FSTL5: variants seen among roughly 807,000 people sequenced by gnomAD.
FSTL5 encodes the protein follistatin-related protein 5.
Under a neutral mutation model 89.1 loss-of-function variants are expected in FSTL5, and 62 were observed. The observed-to-expected ratio is 0.70, with a 90% CI of 0.57 to 0.86. The LOEUF (loss-of-function observed/expected upper bound fraction) is 0.86, where lower values mean the gene tolerates loss of function less well. Ranked by LOEUF, FSTL5 falls within the 40% of genes least tolerant of loss-of-function variation. The pLI is 0.00. For missense variants in FSTL5, 1,057 were observed against 1,001.6 expected, an observed-to-expected ratio of 1.06 and a Z score of -0.75; for synonymous variants, 383 against 346.2, an observed-to-expected ratio of 1.11 and a Z score of -1.18.
At chr4:162,158,479 G>A (rs1404662001) in intron 1 of FSTL5, among the ~76,000 whole-genome samples, 4 of 152,012 alleles carry the variant, frequency 2.6e-5, no homozygotes, top group Non-Finnish European at 4.4e-5. Context: ...TAGTCTTGGG[G>A]AAATAATAAG....
chr4:161,992,055 A>C (rs1479247610), intron 3 of FSTL5, among the ~76,000 whole-genome samples: 1 of 152,192 alleles, frequency 6.6e-6, no homozygotes, highest in Non-Finnish European at 1.5e-5. Context: ...GGCAGGAAAA[A>C]AGTGAAGGAA....
At chr4:161,791,816 T>C (rs1343012073) in intron 4 of FSTL5, among the ~76,000 whole-genome samples, 2 of 152,334 alleles carry the variant, frequency 1.3e-5, no homozygotes, top group East Asian at 3.9e-4. Flanking sequence ...TTGCTTTCAT[T>C]ATTATCTTGA....
At chr4:161,555,826 T>C (rs1732367543) in intron 8 of FSTL5, among the ~76,000 whole-genome samples, 1 of 151,626 alleles carries the variant, frequency 6.6e-6, no homozygotes, top group Non-Finnish European at 1.5e-5. Flanking sequence ...GTTTTTCTGC[T>C]GGCTACACAG....
intron 15 of FSTL5, chr4:161,388,053 C>G (rs1458771693): frequency 6.6e-6 from 1 of 152,026 alleles, no homozygotes; most frequent in African/African-American, 2.4e-5. Context: ...TGAAACAGGG[C>G]TAGTGAATAA....
chr4:162,059,700 T>C (rs932416432), intron 2 of FSTL5, among the ~76,000 whole-genome samples: 1 of 152,106 alleles, frequency 6.6e-6, no homozygotes, highest in South Asian at 2.1e-4. Flanking sequence ...AGTCTATAAA[T>C]AGCATAATCT....
At chr4:162,039,951 G>A (rs1737886317) in intron 2 of FSTL5, among the ~76,000 whole-genome samples, 1 of 151,954 alleles carries the variant, frequency 6.6e-6, no homozygotes, top group South Asian at 2.1e-4. Flanking sequence ...TTGTGAGTAG[G>A]TGATTTTAAA....
intron 2 of FSTL5, among the ~76,000 whole-genome samples, chr4:162,064,027 T>G (rs147892611): frequency 1.6e-3 from 245 of 152,106 alleles, no homozygotes; most frequent in African/African-American, 5.7e-3. Context: ...GGCCATAAGT[T>G]GCCTTACTTA....
chr4:162,075,686 T>C (rs896119244), intron 2 of FSTL5, among the ~76,000 whole-genome samples: 1 of 151,900 alleles, frequency 6.6e-6, no homozygotes, highest in Non-Finnish European at 1.5e-5. Flanking sequence ...CTATTACTAA[T>C]AGTAGAGCAG....
At chr4:162,051,399 A>G (rs1738374641) in intron 2 of FSTL5, among the ~76,000 whole-genome samples, 1 of 151,566 alleles carries the variant, frequency 6.6e-6, no homozygotes, top group South Asian at 2.1e-4. Context: ...CACAAAAAAC[A>G]AAAACTTCAA....
intron 13 of FSTL5, among the ~76,000 whole-genome samples, chr4:161,471,943 A>AT (rs987572360): frequency 1.3e-4 from 20 of 148,716 alleles, no homozygotes; most frequent in African/African-American, 4.7e-4. Flanking sequence ...TCTTTCTCTT[A>AT]TCCCATCTAG....
intron 15 of FSTL5, among the ~76,000 whole-genome samples, chr4:161,411,376 GA>G (rs573693443): frequency 8.7e-4 from 123 of 141,616 alleles, no homozygotes; most frequent in African/African-American, 1.2e-3. Flanking sequence ...GGCAGAGACG[GA>G]AAAAAAAAAA....
At chr4:161,685,256 T>G (rs1737673765) in intron 6 of FSTL5, among the ~76,000 whole-genome samples, 1 of 152,178 alleles carries the variant, frequency 6.6e-6, no homozygotes, top group Non-Finnish European at 1.5e-5. Flanking sequence ...ATATGAATTT[T>G]AGGATTGTGT....
intron 7 of FSTL5, among the ~76,000 whole-genome samples, chr4:161,603,608 TG>T (rs1282817916): frequency 6.6e-6 from 1 of 152,186 alleles, no homozygotes; most frequent in Non-Finnish European, 1.5e-5. Flanking sequence ...TGTGTGATTT[TG>T]TTATGCAGCT....
intron 15 of FSTL5, among the ~76,000 whole-genome samples, chr4:161,432,261 CT>C (rs1732404135): frequency 1.3e-5 from 2 of 152,076 alleles, no homozygotes; most frequent in Admixed American, 1.3e-4. Flanking sequence ...AAGATCTTCT[CT>C]GACCACAATG....
At chr4:161,449,413 A>G (rs17398192) in intron 15 of FSTL5, among the ~76,000 whole-genome samples, 24,640 of 152,222 alleles carry the variant, frequency 0.16, 2,375 homozygotes, top group South Asian at 0.28. Flanking sequence ...TTGAAATTCC[A>G]AACAATATAA....
chr4:161,476,247 G>A (rs1734145701), intron 13 of FSTL5, among the ~76,000 whole-genome samples: 1 of 131,682 alleles, frequency 7.6e-6, no homozygotes, highest in Admixed American at 8.7e-5. Flanking sequence ...GAGTGCAATG[G>A]TGCAATATCA....
At chr4:161,838,414 C>G (rs990893642) in intron 4 of FSTL5, among the ~76,000 whole-genome samples, 1 of 152,116 alleles carries the variant, frequency 6.6e-6, no homozygotes, top group African/African-American at 2.4e-5. Flanking sequence ...TGCCGAGTAA[C>G]TGGGACTACA....
At chr4:161,653,547 T>G (rs918402892) in intron 7 of FSTL5, among the ~76,000 whole-genome samples, 4 of 152,134 alleles carry the variant, frequency 2.6e-5, no homozygotes, top group Non-Finnish European at 5.9e-5. Context: ...ATTGACAGGC[T>G]GTTCAAAAGG....
At chr4:161,618,043 C>A (rs558062252) in intron 7 of FSTL5, among the ~76,000 whole-genome samples, 1 of 151,942 alleles carries the variant, frequency 6.6e-6, no homozygotes, top group East Asian at 1.9e-4. Flanking sequence ...CTTCACGTCC[C>A]TTGTAAGTTG....
Sources: allele counts gnomAD v4.1 joint callset (sites outside exome capture counted in the v4.1 genomes callset), GRCh38; gene constraint gnomAD v4.1.1; transcripts MANE v1.5; gene names NCBI Gene and HGNC (gene_info 2026-07-23, HGNC 2026-07-21).